Variants in C17orf67 observed in about 807,000 individuals in gnomAD.
C17orf67 encodes the protein uncharacterized protein C17orf67.
Under a neutral mutation model 11.2 loss-of-function variants are expected in C17orf67, and 12 were observed. That is an observed-to-expected ratio of 1.07 (90% CI 0.68 to 1.73). The LOEUF (loss-of-function observed/expected upper bound fraction) is 1.73, where lower values mean the gene tolerates loss of function less well. Among genes scored for constraint, C17orf67 ranks in the 40% most tolerant of loss-of-function variants. The probability of loss-of-function intolerance (pLI) is 0.00; values close to 1 mark genes in which losing one functional copy is unlikely to be tolerated. For missense variants in C17orf67, 115 were observed against 113.5 expected (o/e 1.01, Z -0.06); for synonymous variants, 59 against 46.9 (o/e 1.26, Z -1.05).
At chr17:56,808,201 T>C (rs1905503700) in intron 6 of C17orf67, among the ~76,000 whole-genome samples, 2 of 152,108 alleles carry the variant, frequency 1.3e-5, no homozygotes, top group Admixed American at 1.3e-4. Flanking sequence ...ATCCCTGCCA[T>C]CCACCATTCC....
chr17:56,813,347 C>G (rs1905678108), intron 6 of C17orf67, among the ~76,000 whole-genome samples: 1 of 151,954 alleles, frequency 6.6e-6, no homozygotes, highest in African/African-American at 2.4e-5. Flanking sequence ...CCCCCACTCT[C>G]TTGGCTTCTC....
intron 6 of C17orf67, among the ~76,000 whole-genome samples, chr17:56,806,195 C>T (rs1905447104): frequency 1.3e-5 from 2 of 151,928 alleles, no homozygotes; most frequent in Admixed American, 6.6e-5. Flanking sequence ...AGGATGGTCT[C>T]GATCTCCTGA....
intron 4 of C17orf67, among the ~76,000 whole-genome samples, chr17:56,817,615 A>C (rs1275773324): frequency 1.3e-5 from 2 of 152,020 alleles, no homozygotes; most frequent in Non-Finnish European, 2.9e-5. Flanking sequence ...CTCCATGCCC[A>C]GCTGATTTTT....
At position 56,814,734 on chromosome 17, in the gene C17orf67, T is replaced by C. The variant is rs1480382857; in HGVS notation, c.156+135A>G. ...AAAATGCATAGGTAAAAGATTGAGA[T>C]TGCAGCTATCTTCTACCTGAAACTC... On this transcript the variant is annotated intron_variant, in intron 6 of 7. Transcript: ENST00000397861. 27 of 815,640 alleles carry C rather than the reference T, an allele frequency of 3.3e-5. No individual in the cohort carries two copies. The East Asian group carries it at 5.7e-4, about 17-fold the overall frequency. The allele number at this position is 815,640 out of a possible 1,614,324, so 50.5% of individuals were successfully genotyped here. A position where few individuals can be genotyped will look rare whatever the true frequency, so the allele number is the denominator to read the frequency against.
At position 56,832,877 on chromosome 17, in the gene C17orf67, AAT is replaced by A. The variant is rs760776263; in HGVS notation, c.-557+19_-557+20del. 10 of 152,236 alleles carry A rather than the reference AAT, an allele frequency of 6.6e-5. No homozygotes were observed. The highest frequency in any genetic ancestry group is 8.8e-5 in the Non-Finnish European group (6 of 68,042). The allele number at this position is 152,236 out of a possible 1,614,324, so 9.4% of individuals were successfully genotyped here. A position where few individuals can be genotyped will look rare whatever the true frequency, so the allele number is the denominator to read the frequency against. On this transcript the variant is annotated intron_variant, in intron 2 of 7. Transcript: ENST00000397861. Reference sequence around the variant, plus strand: ...ACATGCATATATATGCACACATAATAATATATACATACACACATACACGTATA... The same window carrying A: ...ACATGCATATATATGCACACATAATAATATACATACACACATACACGTATA...
chr17:56,805,171 G>A (rs528984727), intron 6 of C17orf67, among the ~76,000 whole-genome samples: 16 of 152,170 alleles, frequency 1.1e-4, no homozygotes, highest in East Asian at 1.9e-4. Flanking sequence ...CTAGCGGGAC[G>A]TTCTGATTTA....
chr17:56,794,152 T>G (rs1345840288), intron 7 of C17orf67, among the ~76,000 whole-genome samples: 1 of 152,222 alleles, frequency 6.6e-6, no homozygotes, highest in Non-Finnish European at 1.5e-5. Context: ...TGCCCTGCAA[T>G]GACACCAGGG....
intron 4 of C17orf67, among the ~76,000 whole-genome samples, chr17:56,820,551 T>C (rs1905876068): frequency 6.6e-6 from 1 of 152,116 alleles, no homozygotes; most frequent in Non-Finnish European, 1.5e-5. Flanking sequence ...CACGCAGACA[T>C]GGAAAGAACA....
chr17:56,827,423 A>C (rs959571701), intron 2 of C17orf67, among the ~76,000 whole-genome samples: 7 of 152,218 alleles, frequency 4.6e-5, no homozygotes, highest in Admixed American at 2.6e-4. Context: ...AGCACCTTGG[A>C]GCTTCTTAGA....
At chr17:56,820,811 CAGATA>C (rs1905884716) in intron 4 of C17orf67, among the ~76,000 whole-genome samples, 5 of 136,584 alleles carry the variant, frequency 3.7e-5, no homozygotes, top group Non-Finnish European at 7.6e-5. Context: ...TCCCATTACA[CAGATA>C]TTTAAGTGTC....
intron 6 of C17orf67, among the ~76,000 whole-genome samples, chr17:56,807,195 AG>A (rs751222380): frequency 3.3e-5 from 5 of 152,230 alleles, no homozygotes; most frequent in Non-Finnish European, 7.3e-5. Context: ...AATCCAGTAA[AG>A]GAAACCTAGC....
At position 56,832,891 on chromosome 17, in the gene C17orf67, CACAT is replaced by C. The variant is rs1290467671; in HGVS notation, c.-557+3_-557+6del. The C allele has an allele frequency of 7.2e-5, 11 of 152,338 alleles. No homozygotes were observed. Among genetic ancestry groups the C allele is most frequent in the Non-Finnish European group, 1.0e-4 (7 of 68,038 alleles). 9.4% of individuals were successfully genotyped at this position (152,338 alleles called of 1,614,324 possible). On this transcript the variant is annotated splice_donor_5th_base_variant and intron_variant, in intron 2 of 7. Coordinates refer to ENST00000397861, the MANE Select transcript of C17orf67 (RefSeq NM_001085430.4). ...GCACACATAATAATATATACATACA[CACAT>C]ACACGTATATATACATCTATATGTG...
At chr17:56,806,507 T>C (rs1177549232) in intron 6 of C17orf67, among the ~76,000 whole-genome samples, 2 of 152,212 alleles carry the variant, frequency 1.3e-5, no homozygotes, top group African/African-American at 4.8e-5. Context: ...CATGTACCTA[T>C]ATAAATACTG....
At chr17:56,830,315 A>G (rs1906161408) in intron 2 of C17orf67, among the ~76,000 whole-genome samples, 1 of 152,062 alleles carries the variant, frequency 6.6e-6, no homozygotes. Flanking sequence ...ACTGCACTCC[A>G]GTCTGGGTGA....
Position 56,833,716 on chromosome 17 carries a change from A to T in C17orf67, c.-1100T>A, listed in dbSNP as rs1906336619. 1 of 151,416 alleles carries T rather than the reference A, an allele frequency of 6.6e-6. No homozygotes were observed. The highest frequency in any genetic ancestry group is 2.0e-4 in the East Asian group (1 of 5,098). The allele number at this position is 151,416 out of a possible 1,614,324, so 9.4% of individuals were successfully genotyped here. On this transcript the variant is annotated 5_prime_UTR_variant, in exon 1 of 8. An upstream start codon of the reference 5' UTR is lost. Coordinates refer to ENST00000397861, the MANE Select transcript of C17orf67 (RefSeq NM_001085430.4). ...CATCCCCGGCGGCGGCGGCGCCGGC[A>T]TCGGCTAGAGGTTCGGCTCAAGTCG...
chr17:56,832,291 C>T (rs113133750), intron 2 of C17orf67, among the ~76,000 whole-genome samples: 2,014 of 152,248 alleles, frequency 0.013, 31 homozygotes, highest in South Asian at 0.023. Flanking sequence ...CATAGGATGA[C>T]CCCAGACCCC....
intron 4 of C17orf67, among the ~76,000 whole-genome samples, chr17:56,816,703 C>CA (rs1274828899): frequency 6.6e-6 from 1 of 152,202 alleles, no homozygotes; most frequent in Non-Finnish European, 1.5e-5. Flanking sequence ...AACATGCTGT[C>CA]ATAAGACTGG....
At chr17:56,808,480 G>A (rs554476089) in intron 6 of C17orf67, among the ~76,000 whole-genome samples, 1 of 152,230 alleles carries the variant, frequency 6.6e-6, no homozygotes, top group Admixed American at 6.5e-5. Flanking sequence ...CTTACCCAGA[G>A]CCATCTGTCT....
intron 6 of C17orf67, among the ~76,000 whole-genome samples, chr17:56,800,702 A>G (rs938757175): frequency 6.6e-6 from 1 of 152,134 alleles, no homozygotes; most frequent in African/African-American, 2.4e-5. Context: ...TTCCTCTAGG[A>G]AGCCTTCTCA....
Sources: allele counts gnomAD v4.1 joint callset (sites outside exome capture counted in the v4.1 genomes callset), GRCh38; gene constraint gnomAD v4.1.1; transcripts MANE v1.5; gene names NCBI Gene and HGNC (gene_info 2026-07-23, HGNC 2026-07-21).